Variants in CERCAM observed in about 807,000 individuals in gnomAD.
CERCAM encodes the protein inactive glycosyltransferase 25 family member 3.
Under a neutral mutation model 66.0 loss-of-function variants are expected in CERCAM, and 59 were observed. The ratio of observed to expected loss-of-function variants is 0.89; its 90% CI spans 0.73 to 1.11. The LOEUF is 1.11. Among genes scored for constraint, CERCAM ranks in the 50% most tolerant of loss-of-function variants. CERCAM has a pLI of 0.00. For synonymous variants in CERCAM, 318 were observed against 343.6 expected, an observed-to-expected ratio of 0.93 and a Z score of 0.83; for missense variants, 840 against 828.3, an observed-to-expected ratio of 1.01 and a Z score of -0.17.
chr9:128,420,797 C>A (rs1239430869), upstream of CERCAM: 6 of 563,326 alleles, frequency 1.1e-5, no homozygotes, highest in Non-Finnish European at 1.5e-5. The surrounding 1 kb of genome is among the most constrained non-coding windows in gnomAD (Gnocchi z 5.0). Flanking sequence ...GCCTCGGCCC[C>A]GCCCGGGCCC....
chr9:128,419,879 T>TC (rs1238821205), upstream of CERCAM: 1 of 151,994 alleles, frequency 6.6e-6, no homozygotes, highest in Non-Finnish European at 1.5e-5. Context: ...CTTTTTTTTT[T>TC]TTTCTTTTTG....
In CERCAM at chr9:128,428,964, G is replaced by T. The variant is rs773201835; in HGVS notation, c.998G>T (p.Arg333Leu). ...ATCAGCCTGGCTCGCAGGCCTGACC[G>T]TCGGGAACGCATGCTCGCCTCGCTC... ...FVISLARRPD[R>L]RERMLASLWE... The change falls in exon 8 of 13, where the codon CGT (arginine) becomes CTT (leucine). Residue 333 changes from arginine to leucine, a missense_variant. Transcript: ENST00000372838. 1.2e-6 allele frequency: 2 copies of T among 1,611,218 alleles called. No individual in the cohort carries two copies. The highest frequency in any genetic ancestry group is 1.7e-6 in the Non-Finnish European group (2 of 1,179,116).
At chr9:128,421,312 C>G in intron 1 of CERCAM, 3 of 1,222,722 alleles carry the variant, frequency 2.5e-6, no homozygotes, top group Non-Finnish European at 3.1e-6. Flanking sequence ...TCCTTCTGGT[C>G]CCCTACTCCT....
chr9:128,432,390 T>C (rs557516628), intron 9 of CERCAM, among the ~76,000 whole-genome samples: 45 of 149,986 alleles, frequency 3.0e-4, no homozygotes, highest in Admixed American at 7.3e-4. Flanking sequence ...CTTTTTTTTT[T>C]TTTTTTTTTT....
Position 128,424,575 on chromosome 9 carries a change from G to A in CERCAM, c.727G>A (p.Asp243Asn), listed in dbSNP as rs751378657. ...ACATCCCAACTACACTTGGCCTTTC[G>A]ACGACATCATCGTCTTCGCCTATGC... is the stretch of plus-strand genomic sequence containing the variant. ...PPHPNYTWPF[D>N]DIIVFAYACQ... is the part of the protein sequence containing the mutation. Residue 243 changes from aspartate to asparagine, a missense_variant, in exon 5 of 13, where the codon GAC (aspartate) becomes AAC (asparagine). By Grantham distance (23) the Asp-to-Asn change is conservative. Transcript: ENST00000372838. The A allele has an allele frequency of 1.3e-5, 21 of 1,614,124 alleles. No homozygotes were observed. The highest frequency in any genetic ancestry group is 4.0e-5 in the African/African-American group (3 of 75,040).
chr9:128,421,508 A>G (rs1833708254), intron 1 of CERCAM: 1 of 988,952 alleles, frequency 1.0e-6, no homozygotes, highest in Non-Finnish European at 1.2e-6. Flanking sequence ...GCTTCCGGGC[A>G]CAGGTTGGGG....
chr9:128,435,940 A>G (rs752886199), intron 12 of CERCAM, 35 bp downstream of exon 12: 13 of 1,563,604 alleles, frequency 8.3e-6, no homozygotes, highest in Non-Finnish European at 1.1e-5. Context: ...CCAGCCCCGT[A>G]GACCTTGGCT....
chr9:128,434,631 G>A lies in CERCAM; in HGVS notation c.1535+18G>A. 3 of 1,503,070 alleles carry A rather than the reference G, an allele frequency of 2.0e-6. No homozygotes were observed. Among genetic ancestry groups the A allele is most frequent in the Non-Finnish European group, 2.7e-6 (3 of 1,105,744 alleles). 93.1% of individuals were successfully genotyped at this position (1,503,070 alleles called of 1,614,324 possible). A position where few individuals can be genotyped will look rare whatever the true frequency, so the allele number is the denominator to read the frequency against. On this transcript the variant is annotated intron_variant, in intron 11 of 12. Transcript: ENST00000372838. The surrounding 1 kb of genome is among the most constrained non-coding windows in gnomAD (Gnocchi z 4.5). ...CACCCCAAGTGAGGCTCTGATGGGG[G>A]CCGGGCATGGCAGGGCAGAGGCGTC...
rs922790609 is a variant in CERCAM, at chr9:128,428,402, C to T, written c.867C>T (p.His289=). The change falls in exon 6 of 13, where the codon CAC becomes CAT. Residue 289 remains histidine (H), a synonymous_variant. Coordinates refer to ENST00000372838, the MANE Select transcript of CERCAM (RefSeq NM_016174.5). ...GLEDERVNFI[H]LILEALVDGP... is the part of the protein sequence containing the mutation. ...AAGACGAGAGGGTCAACTTCATCCA[C>T]CTGATCTTAGAAGCACTAGGTGAGG... 3.1e-6 allele frequency: 5 copies of T among 1,614,140 alleles called. No individual in the cohort carries two copies. Among genetic ancestry groups the T allele is most frequent in the African/African-American group, 1.3e-5 (1 of 75,058 alleles).
chr9:128,429,593 C>T (rs756826386), intron 8 of CERCAM, among the ~76,000 whole-genome samples: 3 of 151,762 alleles, frequency 2.0e-5, no homozygotes, highest in East Asian at 3.9e-4. Flanking sequence ...GCTTCAAGTA[C>T]TCAGCTCTTT....
At chr9:128,421,378 A>C in intron 1 of CERCAM, 1 of 1,137,034 alleles carries the variant, frequency 8.8e-7, no homozygotes, top group Non-Finnish European at 1.1e-6. Flanking sequence ...TTTTCACCCC[A>C]GCCTTCAGGG....
rs538928580 is a variant in CERCAM, at chr9:128,428,185, T to A, written c.767-117T>A. On this transcript the variant is annotated intron_variant, in intron 5 of 12. Transcript: ENST00000372838. ...CCTCTGGTCCCACAGGTGGGGAAAC[T>A]GAGTCCCAGAGAAGACTGACATGTT... 3.9e-5 allele frequency: 48 copies of A among 1,232,452 alleles called. 1 individual carries two copies. In the South Asian group the frequency reaches 7.1e-4, roughly 18 times the overall value. 76.3% of individuals were successfully genotyped at this position (1,232,452 alleles called of 1,614,324 possible). A position where few individuals can be genotyped will look rare whatever the true frequency, so the allele number is the denominator to read the frequency against.
Position 128,434,367 on chromosome 9 carries a change from C to T in CERCAM, c.1332-43C>T, listed in dbSNP as rs1564431790. On this transcript the variant is annotated intron_variant, in intron 10 of 12. Transcript: ENST00000372838. This position sits in a 1 kb window ranked among gnomAD's most constrained non-coding sequence, Gnocchi z 4.5. The stretch of plus-strand genomic sequence containing the variant: ...CGGGTGTGGGAGGGTCCCATGACAC[C>T]CAGGACCTAAGTGACTCCTGGGCCC... The T allele has an allele frequency of 6.2e-7, 1 of 1,608,050 alleles. No homozygotes were observed. The highest frequency in any genetic ancestry group is 8.5e-7 in the Non-Finnish European group (1 of 1,175,400).
At chr9:128,424,086 G>C in intron 3 of CERCAM, 52 bp from the exon 4 acceptor site, 1 of 1,590,946 alleles carries the variant, frequency 6.3e-7, no homozygotes, top group South Asian at 1.2e-5. Context: ...TGAACTCCTT[G>C]GGGGGCTGCA....
At position 128,429,948 on chromosome 9, in the gene CERCAM, C is replaced by A. The variant is rs570085289; in HGVS notation, c.1070+912C>A. On this transcript the variant is annotated intron_variant, in intron 8 of 12. Coordinates refer to ENST00000372838, the MANE Select transcript of CERCAM (RefSeq NM_016174.5). ...TGATTACAGGCTTGCATCACCACAC[C>A]CGGATTAAAAAAAATGTTTTGTTTT... Among the ~76,000 whole-genome samples, 10 of 150,856 alleles carry A rather than the reference C, an allele frequency of 6.6e-5. No individual in the cohort carries two copies. In the East Asian group the frequency reaches 2.0e-3, roughly 30 times the overall value.
At chr9:128,435,941 G>A (rs763196353) in intron 12 of CERCAM, 36 bp downstream of exon 12, 3 of 1,558,710 alleles carry the variant, frequency 1.9e-6, no homozygotes, top group Non-Finnish European at 2.6e-6. Flanking sequence ...CAGCCCCGTA[G>A]ACCTTGGCTT....
At chr9:128,436,005 C>A in intron 12 of CERCAM, 100 bp downstream of exon 12, 1 of 1,237,248 alleles carries the variant, frequency 8.1e-7, no homozygotes, top group Non-Finnish European at 1.1e-6. Context: ...CCTTCTCAGC[C>A]TTCTCTCTCC....
chr9:128,419,996 A>G (rs1026526944), upstream of CERCAM, among the ~76,000 whole-genome samples: 4 of 151,540 alleles, frequency 2.6e-5, no homozygotes, highest in Non-Finnish European at 5.9e-5. Context: ...TCAGCCTCCC[A>G]AGTAGCTGGG....
At chr9:128,426,641 C>G (rs1378149601) in intron 5 of CERCAM, among the ~76,000 whole-genome samples, 1 of 151,702 alleles carries the variant, frequency 6.6e-6, no homozygotes, top group African/African-American at 2.4e-5. Flanking sequence ...AAAATCCAGT[C>G]CTGAGGATGA....
Sources: gnomAD v4.1 joint callset for allele counts (sites outside exome capture counted in the v4.1 genomes callset) on GRCh38, gnomAD v4.1.1 for gene constraint, Gnocchi (gnomAD v3.1) non-coding constraint, MANE v1.5 for transcripts, NCBI Gene and HGNC (gene_info 2026-07-23, HGNC 2026-07-21) for gene names.